CLEC2A: variants seen among roughly 807,000 people sequenced by gnomAD.
CLEC2A encodes keratinocyte-associated C-type lectin.
Under a neutral mutation model 18.6 loss-of-function variants are expected in CLEC2A, and 19 were observed. That is an observed-to-expected ratio of 1.02 (90% confidence interval 0.71 to 1.50). CLEC2A has a LOEUF of 1.50. CLEC2A is among the 40% of genes most tolerant of loss of function. The probability of loss-of-function intolerance (pLI) is 0.00; values close to 1 mark genes in which losing one functional copy is unlikely to be tolerated. For missense variants in CLEC2A, 190 were observed against 207.9 expected, an observed-to-expected ratio of 0.91 and a Z score of 0.53; for synonymous variants, 74 against 64.0, an observed-to-expected ratio of 1.16 and a Z score of -0.75.
At chr12:9,895,881 A>G, downstream of CLEC2A, 2 of 1,456,572 alleles carry the variant, frequency 1.4e-6, no homozygotes, top group Non-Finnish European at 1.8e-6. Context: ...GCAGAGCTAG[A>G]TTTTAAAGAC....
At chr12:9,926,080 G>T (rs1441636086) in intron 2 of CLEC2A, among the ~76,000 whole-genome samples, 180 bp downstream of exon 2, 1 of 152,210 alleles carries the variant, frequency 6.6e-6, no homozygotes, top group Non-Finnish European at 1.5e-5. Context: ...AAAACTGAGA[G>T]TGTTTGGGGG....
At chr12:9,888,869 G>A in the CLEC2A span, 5 of 705,302 alleles carry the variant, frequency 7.1e-6, no homozygotes, top group Non-Finnish European at 1.2e-5. Flanking sequence ...ATGTTACACA[G>A]TAAGCCAACA....
At chr12:9,884,951 C>A in the CLEC2A span, 1 of 1,267,428 alleles carries the variant, frequency 7.9e-7, no homozygotes, top group Non-Finnish European at 1.0e-6. Flanking sequence ...CCTATATCCA[C>A]AATATTATTG....
chr12:9,898,948 A>G (rs2137010540), exon 5 of CLEC2A: 2 of 716,294 alleles, frequency 2.8e-6, no homozygotes, highest in Non-Finnish European at 5.2e-6. Flanking sequence ...CGGAGGCTCC[A>G]GTTGCAAGAC....
intron 2 of CLEC2A, among the ~76,000 whole-genome samples, chr12:9,923,766 A>G (rs1294163652): frequency 2.6e-5 from 4 of 152,178 alleles, no homozygotes; most frequent in African/African-American, 9.7e-5. Flanking sequence ...GGATGAGTTC[A>G]TGTCCTTTGT....
chr12:9,929,690 TAAG>T (rs1257647449), intron 1 of CLEC2A, among the ~76,000 whole-genome samples: 1 of 152,272 alleles, frequency 6.6e-6, no homozygotes, highest in Admixed American at 6.5e-5. Flanking sequence ...TCTAATTTCA[TAAG>T]AAGATGAGTC....
At chr12:9,903,153 A>G (rs571084593) in intron 4 of CLEC2A, among the ~76,000 whole-genome samples, 57 of 152,232 alleles carry the variant, frequency 3.7e-4, no homozygotes, top group Non-Finnish European at 6.8e-4. Context: ...AGAGGAATTT[A>G]TAATCTCTGG....
chr12:9,881,923 G>A, the CLEC2A span, among the ~76,000 whole-genome samples: 2 of 151,940 alleles, frequency 1.3e-5, no homozygotes, highest in Non-Finnish European at 2.9e-5. Flanking sequence ...CATCACTTTC[G>A]AAGAAAAGGC....
At chr12:9,910,728 GGTA>G (rs1461740768), downstream of CLEC2A, among the ~76,000 whole-genome samples, 22 of 126,654 alleles carry the variant, frequency 1.7e-4, 1 homozygote, top group African/African-American at 8.0e-4. Context: ...TGCCGTGGTA[GGTA>G]GGTAAGAATC....
intron 1 of CLEC2A, among the ~76,000 whole-genome samples, chr12:9,927,960 G>T (rs1863304983): frequency 6.6e-6 from 1 of 151,898 alleles, no homozygotes; most frequent in Non-Finnish European, 1.5e-5. Flanking sequence ...AAAAGGTATT[G>T]AAACAATTGA....
chr12:9,912,259 G>A (rs1862998207), downstream of CLEC2A, among the ~76,000 whole-genome samples: 1 of 152,192 alleles, frequency 6.6e-6, no homozygotes, highest in Non-Finnish European at 1.5e-5. Context: ...GGGGAAGGCT[G>A]TGGTGGCTTA....
the CLEC2A span, among the ~76,000 whole-genome samples, chr12:9,879,987 G>A: frequency 1.3e-5 from 2 of 152,190 alleles, no homozygotes; most frequent in African/African-American, 2.4e-5. Flanking sequence ...CCGGGTTGGG[G>A]ATGGAAAAGA....
chr12:9,912,665 CA>C (rs3053814), downstream of CLEC2A, among the ~76,000 whole-genome samples: 56,992 of 142,786 alleles, frequency 0.4, 12,216 homozygotes, highest in Non-Finnish European at 0.51. Context: ...GGGTGAAAAG[CA>C]AAAAAAAAAA....
chr12:9,889,572 G>C, the CLEC2A span, among the ~76,000 whole-genome samples: 2 of 151,926 alleles, frequency 1.3e-5, no homozygotes, highest in African/African-American at 4.8e-5. Flanking sequence ...GGCCTATTCT[G>C]TGCGTTTTGG....
chr12:9,895,471 C>T, downstream of CLEC2A, among the ~76,000 whole-genome samples: 1 of 152,136 alleles, frequency 6.6e-6, no homozygotes, highest in South Asian at 2.1e-4. Context: ...AAGGAAGAAG[C>T]TGGGATGTCT....
At chr12:9,905,286 G>C (rs1480887900) in intron 4 of CLEC2A, among the ~76,000 whole-genome samples, 1 of 152,078 alleles carries the variant, frequency 6.6e-6, no homozygotes, top group Non-Finnish European at 1.5e-5. Context: ...CACTAGGTAG[G>C]GTCCTTCCTA....
At chr12:9,886,739 A>G in the CLEC2A span, among the ~76,000 whole-genome samples, 2 of 142,646 alleles carry the variant, frequency 1.4e-5, no homozygotes, top group African/African-American at 5.1e-5. Flanking sequence ...CTATTTACAC[A>G]GTGGATTTTG....
At chr12:9,918,613 T>G (rs1008660887) in intron 3 of CLEC2A, among the ~76,000 whole-genome samples, 1 of 152,218 alleles carries the variant, frequency 6.6e-6, no homozygotes, top group Admixed American at 6.5e-5. Context: ...AATTTTAAAA[T>G]AGTTTTTTCT....
At chr12:9,922,917 T>C (rs1863197141) in intron 2 of CLEC2A, among the ~76,000 whole-genome samples, 1 of 152,146 alleles carries the variant, frequency 6.6e-6, no homozygotes, top group Non-Finnish European at 1.5e-5. Context: ...TACTCCACCA[T>C]GATTTATTAT....
Sources: gnomAD v4.1 joint callset for allele counts (sites outside exome capture counted in the v4.1 genomes callset) on GRCh38, gnomAD v4.1.1 for gene constraint, MANE v1.5 for transcripts, NCBI Gene and HGNC (gene_info 2026-07-23, HGNC 2026-07-21) for gene names.